Variants in CORIN observed in about 807,000 individuals in gnomAD.
The protein encoded by CORIN is corin, serine peptidase, also known as atrial natriuretic peptide-converting enzyme.
CORIN carries 117 observed loss-of-function variants against 125.3 expected under a neutral mutation model. That is an observed-to-expected ratio of 0.93 (90% CI 0.80 to 1.09). The LOEUF is 1.09. Ranked by LOEUF, CORIN falls within the 50% of genes least tolerant of loss-of-function variation. The pLI, the probability that CORIN is intolerant of heterozygous loss-of-function variation, is 0.00. For missense variants in CORIN, 1,253 were observed against 1,306.7 expected, an observed-to-expected ratio of 0.96 and a Z score of 0.63; for synonymous variants, 450 against 466.4, an observed-to-expected ratio of 0.96 and a Z score of 0.45.
chr4:47,672,198 C>T (rs999861304), intron 10 of CORIN, among the ~76,000 whole-genome samples: 1 of 152,160 alleles, frequency 6.6e-6, no homozygotes, highest in African/African-American at 2.4e-5. Context: ...GAAAGCCCAG[C>T]GCCCATCCCG....
At chr4:47,607,525 T>G (rs1721699958) in intron 19 of CORIN, among the ~76,000 whole-genome samples, 1 of 152,026 alleles carries the variant, frequency 6.6e-6, no homozygotes, top group Admixed American at 6.6e-5. Flanking sequence ...TTGTGAAAAA[T>G]AATGTCTCTT....
intron 11 of CORIN, 83 bp downstream of exon 11, chr4:47,664,949 C>T (rs910423914): frequency 1.1e-5 from 9 of 819,996 alleles, no homozygotes; most frequent in African/African-American, 3.5e-5. Flanking sequence ...GGGAAATTTA[C>T]GTTGTCCAAA....
At chr4:47,821,481 C>T (rs897418302) in intron 1 of CORIN, among the ~76,000 whole-genome samples, 4 of 151,484 alleles carry the variant, frequency 2.6e-5, no homozygotes, top group African/African-American at 7.3e-5. Context: ...TATGTTAATA[C>T]ATACTTATAA....
intron 9 of CORIN, among the ~76,000 whole-genome samples, chr4:47,677,649 A>G (rs1424396031): frequency 6.6e-6 from 1 of 152,172 alleles, no homozygotes; most frequent in African/African-American, 2.4e-5. Flanking sequence ...GATGCTATAC[A>G]CTAAACTTCT....
intron 11 of CORIN, among the ~76,000 whole-genome samples, chr4:47,664,395 A>T (rs969015140): frequency 2.6e-5 from 4 of 152,218 alleles, no homozygotes; most frequent in Admixed American, 2.0e-4. Context: ...ATGTAAAGGA[A>T]CCGAGGCTGA....
At chr4:47,774,216 G>A (rs1163964891) in intron 3 of CORIN, among the ~76,000 whole-genome samples, 7 of 152,168 alleles carry the variant, frequency 4.6e-5, no homozygotes, top group Non-Finnish European at 8.8e-5. Flanking sequence ...ATCTGGAGAT[G>A]CTGAGAAGAT....
intron 1 of CORIN, among the ~76,000 whole-genome samples, chr4:47,832,445 C>CTTTTTT (rs1211972356): frequency 6.8e-4 from 52 of 76,900 alleles, no homozygotes; most frequent in African/African-American, 1.1e-3. Flanking sequence ...CTTTTCTTTT[C>CTTTTTT]TTTTTTTTTT....
chr4:47,706,909 G>A, intron 5 of CORIN: 1 of 1,599,852 alleles, frequency 6.3e-7, no homozygotes, highest in Non-Finnish European at 8.5e-7. Flanking sequence ...AGGGCCATAA[G>A]TTCCACCACA....
intron 16 of CORIN, among the ~76,000 whole-genome samples, chr4:47,632,728 T>C (rs868036999): frequency 9.3e-6 from 1 of 107,474 alleles, no homozygotes; most frequent in East Asian, 3.2e-4. Flanking sequence ...CAATAGATGA[T>C]AGATAGATAG....
chr4:47,819,425 A>G (rs1015538196), intron 1 of CORIN, among the ~76,000 whole-genome samples: 4 of 152,196 alleles, frequency 2.6e-5, no homozygotes, highest in African/African-American at 9.7e-5. Context: ...CTAAATTAAG[A>G]AGGAAGTTAA....
chr4:47,643,534 G>A (rs764800253), intron 14 of CORIN, among the ~76,000 whole-genome samples: 10 of 152,122 alleles, frequency 6.6e-5, no homozygotes, highest in Non-Finnish European at 1.5e-4. Context: ...ACTCACAGCC[G>A]CAGAAATACC....
chr4:47,701,137 T>C (rs1726276204), intron 5 of CORIN, among the ~76,000 whole-genome samples: 1 of 152,236 alleles, frequency 6.6e-6, no homozygotes, highest in East Asian at 1.9e-4. Context: ...AAAAAGGCAA[T>C]GTCATGGTGA....
Position 47,670,618 on chromosome 4 carries a change from A to G in CORIN, c.1357+3775T>C, listed in dbSNP as rs2109687517. Among the ~76,000 whole-genome samples the G allele has an allele frequency of 2.0e-5, 3 of 152,344 alleles. 1 individual carries two copies. The highest frequency in any genetic ancestry group is 3.4e-3 in the Middle Eastern group (1 of 294). The stretch of plus-strand genomic sequence containing the variant: ...GTTGACGAACACTGTGGGAGGCTTG[A>G]GAGAGGGCCTGGGACATGACAGCCA... On this transcript the variant is annotated intron_variant, in intron 10 of 21. Coordinates refer to ENST00000273857, the MANE Select transcript of CORIN (RefSeq NM_006587.4).
intron 5 of CORIN, among the ~76,000 whole-genome samples, chr4:47,736,659 A>G (rs1728149230): frequency 6.6e-6 from 1 of 152,106 alleles, no homozygotes; most frequent in Non-Finnish European, 1.5e-5. Context: ...GGTAGACCCC[A>G]GTATCAGTCG....
At chr4:47,632,609 C>T (rs1223208245) in intron 16 of CORIN, among the ~76,000 whole-genome samples, 1 of 152,138 alleles carries the variant, frequency 6.6e-6, no homozygotes, top group South Asian at 2.1e-4. Context: ...GGAGTTTATA[C>T]AGCAAAACTT....
intron 19 of CORIN, among the ~76,000 whole-genome samples, chr4:47,606,951 C>T (rs1396902601): frequency 6.6e-6 from 1 of 152,164 alleles, no homozygotes; most frequent in African/African-American, 2.4e-5. Flanking sequence ...TAAGTTTTGG[C>T]TGTGAAAAAC....
rs760023375 is a variant in CORIN at position 47,623,698 on chromosome 4, C to A, written c.2413G>T (p.Gly805Cys). The change falls in exon 19 of 22, where the codon GGT (glycine) becomes TGT (cysteine). Residue 805 changes from glycine to cysteine, a missense_variant. Physicochemically the swap from Gly to Cys is radical, Grantham distance 159 (BLOSUM62 -3). Coordinates refer to ENST00000273857, the MANE Select transcript of CORIN (RefSeq NM_006587.4). The part of the protein sequence containing the change: ...AARMNKRILG[G>C]RTSRPGRWPW... ...CACCTTCCAGGGCGACTCGTCCGAC[C>A]TCCAAGGATCCTTTTGTTCATTCGG... is the stretch of plus-strand genomic sequence containing the variant. The A allele has an allele frequency of 1.9e-6, 3 of 1,614,238 alleles. No individual in the cohort carries two copies. In the South Asian group the frequency reaches 3.3e-5, roughly 18 times the overall value.
Position 47,623,553 on chromosome 4 carries a change from A to G in CORIN, c.2540+18T>C. On this transcript the variant is annotated intron_variant, in intron 19 of 21. Coordinates refer to ENST00000273857, the MANE Select transcript of CORIN (RefSeq NM_006587.4). ...TGATCAAATCCAGGCAAAGGAAAAAAGGAAAGGTGCAGCTTACCCCTCGAA... is the reference window on the plus strand; with the variant it reads ...TGATCAAATCCAGGCAAAGGAAAAAGGGAAAGGTGCAGCTTACCCCTCGAA... 3 of 1,608,480 alleles carry G rather than the reference A, an allele frequency of 1.9e-6. No individual in the cohort carries two copies. The highest frequency in any genetic ancestry group is 1.3e-5 in the African/African-American group (1 of 74,862).
Position 47,693,034 on chromosome 4 carries a change from G to A in CORIN, c.849C>T (p.Ile283=), listed in dbSNP as rs771890841. 1.9e-6 allele frequency: 3 copies of A among 1,613,710 alleles called. No homozygotes were observed. The highest frequency in any genetic ancestry group is 1.7e-5 in the Admixed American group (1 of 59,968). ...ENFLCASGIC[I]PGKLQCNGYN... ...AGCCATTACATTGCAGTTTCCCGGG[G>A]ATGCAGATTCCACTGGCACACAGAA... Residue 283 remains isoleucine, a synonymous_variant, in exon 6 of 22, where the codon ATC becomes ATT. Transcript: ENST00000273857.
Sources: gnomAD v4.1 joint callset for allele counts (sites outside exome capture counted in the v4.1 genomes callset) on GRCh38, gnomAD v4.1.1 for gene constraint, MANE v1.5 for transcripts, NCBI Gene and HGNC (gene_info 2026-07-23, HGNC 2026-07-21) for gene names.